The following ZNF704 variants were observed in gnomAD, a reference collection of about 807,000 sequenced individuals.
ZNF704 encodes glucocorticoid induced gene 1.
A neutral mutation model predicts 44.7 loss-of-function variants in ZNF704; 10 were observed. The observed-to-expected ratio is 0.22, with a 90% CI of 0.14 to 0.38. The LOEUF (loss-of-function observed/expected upper bound fraction) is 0.38. Among genes scored for constraint, ZNF704 ranks in the 10% least tolerant of loss-of-function variants. The pLI is 1.00. For missense variants in ZNF704, 390 were observed against 545.5 expected (o/e 0.71, Z 2.84); for synonymous variants, 211 against 207.6 (o/e 1.02, Z -0.14).
rs149115408 is a variant in ZNF704 at position 80,826,128 on chromosome 8, T to G, written c.-21-4513A>C. Among the ~76,000 whole-genome samples the G allele has an allele frequency of 5.9e-3, 904 of 152,130 alleles. 7 individuals are homozygous for G. Among genetic ancestry groups the G allele is most frequent in the African/African-American group, 0.02 (843 of 41,492 alleles). On this transcript the variant is annotated intron_variant, in intron 1 of 8. Transcript: ENST00000327835. ...ACAAAAAACCCTTCAAAAAAATCAA[T>G]GAATCCAGGAGGTGGTTTTTTGAAA...
In ZNF704 at chr8:80,761,706, G is replaced by T. The variant is rs141382554; in HGVS notation, c.221+59668C>A. Among the ~76,000 whole-genome samples the T allele has an allele frequency of 4.6e-5, 7 of 152,288 alleles. No individual in the cohort carries two copies. In the East Asian group the frequency reaches 1.4e-3, roughly 29 times the overall value. ...TAAAATAGGCAAGAACTAATATACAGATATTTGTAAGCATAAACACTCAGG... is the reference window on the plus strand; with the variant it reads ...TAAAATAGGCAAGAACTAATATACATATATTTGTAAGCATAAACACTCAGG... On this transcript the variant is annotated intron_variant, in intron 2 of 8. Transcript: ENST00000327835.
chr8:80,734,798 T>G (rs1265798248), intron 2 of ZNF704, among the ~76,000 whole-genome samples: 2 of 152,384 alleles, frequency 1.3e-5, no homozygotes, highest in East Asian at 3.9e-4. Context: ...GATTGTGTTT[T>G]CACTATCGTC....
chr8:80,650,148 CA>C (rs1817893344), intron 7 of ZNF704, among the ~76,000 whole-genome samples: 1 of 152,004 alleles, frequency 6.6e-6, no homozygotes, highest in Non-Finnish European at 1.5e-5. Context: ...ACATCCACAC[CA>C]AAACCCCATC....
chr8:80,870,313 G>C (rs1809230510), intron 1 of ZNF704, among the ~76,000 whole-genome samples: 1 of 152,074 alleles, frequency 6.6e-6, no homozygotes, highest in African/African-American at 2.4e-5. Flanking sequence ...AAAAAACCTA[G>C]GCCATAGGCC....
chr8:80,791,712 GA>G (rs143031008), intron 2 of ZNF704, among the ~76,000 whole-genome samples: 6,903 of 149,558 alleles, frequency 0.046, 546 homozygotes, highest in African/African-American at 0.16. Flanking sequence ...TATCTGGGCT[GA>G]AAAAAAAAAT....
intron 2 of ZNF704, among the ~76,000 whole-genome samples, chr8:80,799,857 A>C (rs1183399387): frequency 6.6e-6 from 1 of 152,180 alleles, no homozygotes; most frequent in Non-Finnish European, 1.5e-5. Flanking sequence ...GCAGGTAATA[A>C]CAACAAACTT....
chr8:80,708,525 T>C (rs1178312729), intron 2 of ZNF704, among the ~76,000 whole-genome samples: 29 of 152,332 alleles, frequency 1.9e-4, no homozygotes, highest in Admixed American at 1.9e-3. Context: ...CTGAAAACAA[T>C]ACACGTGGCT....
chr8:80,693,910 T>C (rs1447392765), intron 2 of ZNF704, among the ~76,000 whole-genome samples: 1 of 152,110 alleles, frequency 6.6e-6, no homozygotes, highest in East Asian at 1.9e-4. Context: ...ATATGGAGAA[T>C]GGATCTTAGA....
chr8:80,803,132 A>C (rs1231084966), intron 2 of ZNF704, among the ~76,000 whole-genome samples: 7 of 152,182 alleles, frequency 4.6e-5, no homozygotes, highest in Non-Finnish European at 1.0e-4. Context: ...ACAGCTAACA[A>C]GGGAAGTGAG....
intron 1 of ZNF704, among the ~76,000 whole-genome samples, chr8:80,859,228 G>T (rs1047698802): frequency 1.3e-5 from 2 of 152,072 alleles, no homozygotes; most frequent in African/African-American, 4.8e-5. Flanking sequence ...TAGGTTTTAG[G>T]TTCTAAGACA....
chr8:80,651,019 C>T (rs939347707), intron 7 of ZNF704, among the ~76,000 whole-genome samples: 4 of 152,190 alleles, frequency 2.6e-5, no homozygotes, highest in African/African-American at 9.7e-5. Flanking sequence ...ATTCAACATT[C>T]TTAAAGAAAA....
chr8:80,848,843 C>A (rs1808811205), intron 1 of ZNF704, among the ~76,000 whole-genome samples: 1 of 151,996 alleles, frequency 6.6e-6, no homozygotes, highest in South Asian at 2.1e-4. Flanking sequence ...CAAATTACCC[C>A]CTTTTACAGG....
chr8:80,778,822 A>G (rs528161888), intron 2 of ZNF704, among the ~76,000 whole-genome samples: 11 of 152,176 alleles, frequency 7.2e-5, no homozygotes, highest in Admixed American at 7.2e-4. Context: ...TCATGAACAC[A>G]AAGAAGGGAA....
intron 2 of ZNF704, among the ~76,000 whole-genome samples, chr8:80,754,440 T>C (rs1382874658): frequency 6.6e-6 from 1 of 152,216 alleles, no homozygotes; most frequent in Non-Finnish European, 1.5e-5. Context: ...AGTATTAAAT[T>C]TCTTTTGAAA....
intron 1 of ZNF704, among the ~76,000 whole-genome samples, chr8:80,840,445 T>C (rs1808659220): frequency 3.3e-5 from 5 of 152,316 alleles, no homozygotes; most frequent in Middle Eastern, 3.4e-3. Flanking sequence ...ACACCCCCGC[T>C]CTAAAGTATA....
intron 3 of ZNF704, among the ~76,000 whole-genome samples, chr8:80,691,781 C>T (rs1262473882): frequency 6.6e-6 from 1 of 152,168 alleles, no homozygotes; most frequent in African/African-American, 2.4e-5. Flanking sequence ...AACATGTTTC[C>T]TATTGTCTTC....
intron 2 of ZNF704, among the ~76,000 whole-genome samples, chr8:80,795,745 T>C: frequency 6.6e-6 from 1 of 151,678 alleles, no homozygotes; most frequent in African/African-American, 2.4e-5. Context: ...ACAGTATTTC[T>C]GTAGCTAATA....
intron 2 of ZNF704, among the ~76,000 whole-genome samples, chr8:80,740,104 G>A (rs546822732): frequency 1.3e-5 from 2 of 152,218 alleles, no homozygotes; most frequent in African/African-American, 2.4e-5. Context: ...ACTATCCAAA[G>A]GGTCCTAGGA....
chr8:80,824,298 G>T (rs999257642), intron 1 of ZNF704, among the ~76,000 whole-genome samples: 1 of 152,162 alleles, frequency 6.6e-6, no homozygotes, highest in African/African-American at 2.4e-5. Flanking sequence ...TTCAGTAGCC[G>T]ATTTGATCAA....
Sources: gnomAD v4.1 joint callset for allele counts (sites outside exome capture counted in the v4.1 genomes callset) on GRCh38, gnomAD v4.1.1 for gene constraint, MANE v1.5 for transcripts, NCBI Gene and HGNC (gene_info 2026-07-23, HGNC 2026-07-21) for gene names.